RARRES2: variants seen among roughly 807,000 people sequenced by gnomAD.
The protein encoded by RARRES2 is retinoic acid receptor responder protein 2.
Under a neutral mutation model 17.9 loss-of-function variants are expected in RARRES2, and 12 were observed. That is an observed-to-expected ratio of 0.67 (90% CI 0.43 to 1.08). The LOEUF (loss-of-function observed/expected upper bound fraction) is 1.08, where lower values mean the gene tolerates loss of function less well. RARRES2 is among the 50% of genes least tolerant of loss of function. The probability of loss-of-function intolerance (pLI) is 0.00; values close to 1 mark genes in which losing one functional copy is unlikely to be tolerated. For missense variants in RARRES2, 220 were observed against 210.1 expected, an observed-to-expected ratio of 1.05 and a Z score of -0.29; for synonymous variants, 82 against 86.8, an observed-to-expected ratio of 0.94 and a Z score of 0.31.
chr7:150,338,655 G>C lies in RARRES2; in HGVS notation c.462C>G (p.Phe154Leu). 6.4e-7 allele frequency: 1 copy of C among 1,555,278 alleles called. No individual in the cohort carries two copies. Among genetic ancestry groups the C allele is most frequent in the South Asian group, 1.2e-5 (1 of 84,292 alleles). Residue 154 changes from phenylalanine to leucine, a missense_variant, in exon 5 of 6, where the codon TTC (phenylalanine) becomes TTG (leucine). Physicochemically the swap from Phe to Leu is conservative, Grantham distance 22 (BLOSUM62 0). Transcript: ENST00000223271. ...TGCGGGGCAGGGCCTTGGAGAAGGC[G>C]AACTGTCCAGGGAAGTAGAAGCTGT... ...DPHSFYFPGQ[F>L]AFSKALPRS
At chr7:150,339,399 G>A (rs1317579075) in intron 3 of RARRES2, among the ~76,000 whole-genome samples, 2 of 152,196 alleles carry the variant, frequency 1.3e-5, no homozygotes, top group Non-Finnish European at 2.9e-5. Context: ...GTGGATGGGT[G>A]TGTGATGTAT....
At position 150,338,980 on chromosome 7, in the gene RARRES2, T is replaced by C. The variant is rs747182020; in HGVS notation, c.375+6A>G. The C allele has an allele frequency of 6.3e-7, 1 of 1,596,412 alleles. No homozygotes were observed. Among genetic ancestry groups the C allele is most frequent in the Non-Finnish European group, 8.6e-7 (1 of 1,163,990 alleles). Reference sequence around the variant, plus strand: ...TCACCACCTGTGCACCCTTGCCCCTTCTTACCCGCAGAACTTGGGTCTCTA... The same window carrying C: ...TCACCACCTGTGCACCCTTGCCCCTCCTTACCCGCAGAACTTGGGTCTCTA... On this transcript the variant is annotated splice_donor_region_variant and intron_variant, in intron 4 of 5. Coordinates refer to ENST00000223271, the MANE Select transcript of RARRES2 (RefSeq NM_002889.4).
At position 150,340,511 on chromosome 7, in the gene RARRES2, G is replaced by C. The variant is rs771072052; in HGVS notation, c.99C>G (p.Ala33=). Residue 33 remains alanine (A), a synonymous_variant, in exon 2 of 6, where the codon GCC becomes GCG. Coordinates refer to ENST00000223271, the MANE Select transcript of RARRES2 (RefSeq NM_002889.4). Reference sequence around the variant, plus strand: ...GCGGGTGCTTGTGAAATTCCTCCAGGGCCACCTGCAGGCCCCGGCGCTGGG... The same window carrying C: ...GCGGGTGCTTGTGAAATTCCTCCAGCGCCACCTGCAGGCCCCGGCGCTGGG... ...TEAQRRGLQV[A]LEEFHKHPPV... The C allele has an allele frequency of 6.2e-7, 1 of 1,600,572 alleles. No individual in the cohort carries two copies. Among genetic ancestry groups the C allele is most frequent in the Non-Finnish European group, 8.5e-7 (1 of 1,173,800 alleles).
chr7:150,339,123 G>A (rs1339342805), intron 3 of RARRES2, 42 bp from the exon 4 acceptor site: 1 of 1,524,006 alleles, frequency 6.6e-7, no homozygotes, highest in Non-Finnish European at 9.1e-7. Context: ...GAGGAAAAGG[G>A]TGAGGGAGGC....
intron 4 of RARRES2, 90 bp downstream of exon 4, chr7:150,338,896 C>T: frequency 1.9e-6 from 3 of 1,541,428 alleles, no homozygotes; most frequent in Non-Finnish European, 2.7e-6. Context: ...CCTGCTTGGC[C>T]AAGCTTTAGC....
Position 150,338,410 on chromosome 7 carries a change from C to T in RARRES2, c.*40G>A, listed in dbSNP as rs1271402637. 4.6e-6 allele frequency: 7 copies of T among 1,512,816 alleles called. No homozygotes were observed. Among genetic ancestry groups the T allele is most frequent in the South Asian group, 2.4e-5 (2 of 83,014 alleles). 93.7% of individuals were successfully genotyped at this position (1,512,816 alleles called of 1,614,324 possible). A position where few individuals can be genotyped will look rare whatever the true frequency, so the allele number is the denominator to read the frequency against. ...GCTGGGGTCTTCCACTGGTTACCAC[C>T]CGCAGCGGTCCTGGAGGCACCACGC... On this transcript the variant is annotated 3_prime_UTR_variant, in exon 6 of 6. Transcript: ENST00000223271.
intron 1 of RARRES2, 177 bp from the exon 2 acceptor site, chr7:150,340,806 G>C: frequency 1.8e-6 from 1 of 570,226 alleles, no homozygotes. Flanking sequence ...GGGTCCGCCT[G>C]GCCCTCTCCG....
Position 150,341,577 on chromosome 7 carries a change from C to G in RARRES2, c.-21+1G>C, listed in dbSNP as rs1007910088. 6.5e-6 allele frequency: 1 copy of G among 152,758 alleles called. No individual in the cohort carries two copies. The highest frequency in any genetic ancestry group is 2.4e-5 in the African/African-American group (1 of 41,460). 9.5% of individuals were successfully genotyped at this position (152,758 alleles called of 1,614,324 possible). On this transcript the variant is annotated splice_donor_variant, in intron 1 of 5. Coordinates refer to ENST00000223271, the MANE Select transcript of RARRES2 (RefSeq NM_002889.4). LOFTEE classifies it low-confidence loss of function (5UTR_SPLICE). ...CGCCCCAGCCCGCTTCCCCTCCTCA[C>G]GTCCTTCCCTGCGCCTGGAGGTCTC...
chr7:150,340,935 TG>T (rs1238401322), intron 1 of RARRES2: 3 of 229,896 alleles, frequency 1.3e-5, no homozygotes, highest in African/African-American at 4.6e-5. Flanking sequence ...TTGCCCATTG[TG>T]TCTCTCCCTG....
In RARRES2 at chr7:150,340,198, G is replaced by A; in HGVS notation, c.181C>T (p.Pro61Ser). 1 of 1,614,128 alleles carries A rather than the reference G, an allele frequency of 6.2e-7. No individual in the cohort carries two copies. Among genetic ancestry groups the A allele is most frequent in the Non-Finnish European group, 8.5e-7 (1 of 1,180,014 alleles). Residue 61 changes from proline to serine, a missense_variant, in exon 3 of 6, where the codon CCA becomes TCA. By Grantham distance (74) the Pro-to-Ser change is moderately conservative (BLOSUM62 -1). Transcript: ENST00000223271. Reference protein sequence around the residue: ...SVESAVDTPFPAGIFVRLEFK... With the variant: ...SVESAVDTPFSAGIFVRLEFK... Reference sequence around the variant, plus strand: ...TCCAGCCTCACAAATATTCCAGCTGGGAAGGGCTGCGGACAGACAGGCAGG... The same window carrying A: ...TCCAGCCTCACAAATATTCCAGCTGAGAAGGGCTGCGGACAGACAGGCAGG...
At chr7:150,339,631 C>T (rs922213479) in intron 3 of RARRES2, among the ~76,000 whole-genome samples, 1 of 152,134 alleles carries the variant, frequency 6.6e-6, no homozygotes, top group African/African-American at 2.4e-5. Context: ...GAGCCCAGGC[C>T]GTGCTCACAG....
At chr7:150,339,884 C>CCCCAG (rs1352049993) in intron 3 of RARRES2, among the ~76,000 whole-genome samples, 1 of 152,150 alleles carries the variant, frequency 6.6e-6, no homozygotes. Context: ...GTCTGCCAGG[C>CCCCAG]CCCAGCTCCC....
Position 150,339,156 on chromosome 7 carries a change from C to G in RARRES2, c.280-75G>C, listed in dbSNP as rs1441412208. ...GGCCTGGGCATCATGAGGGTGGGAG[C>G]CAGGGCTGCCCATCATGGGACCAGA... On this transcript the variant is annotated intron_variant, in intron 3 of 5. Transcript: ENST00000223271. 4 of 1,366,424 alleles carry G rather than the reference C, an allele frequency of 2.9e-6. No homozygotes were observed. In the East Asian group the frequency reaches 9.2e-5, roughly 31 times the overall value. 84.6% of individuals were successfully genotyped at this position (1,366,424 alleles called of 1,614,324 possible). A position where few individuals can be genotyped will look rare whatever the true frequency, so the allele number is the denominator to read the frequency against.
Position 150,338,642 on chromosome 7 carries a change from C to T in RARRES2, c.475G>A (p.Ala159Thr), listed in dbSNP as rs938192402. Reference protein sequence around the residue: ...YFPGQFAFSKALPRS With the variant: ...YFPGQFAFSKTLPRS Reference sequence around the variant, plus strand: ...GTGCTGGCTTAGCTGCGGGGCAGGGCCTTGGAGAAGGCGAACTGTCCAGGG... The same window carrying T: ...GTGCTGGCTTAGCTGCGGGGCAGGGTCTTGGAGAAGGCGAACTGTCCAGGG... The change falls in exon 5 of 6, where the codon GCC becomes ACC. Residue 159 changes from alanine (A) to threonine (T), a missense_variant. Physicochemically the swap from Ala to Thr is moderately conservative, Grantham distance 58. Transcript: ENST00000223271. 17 of 1,554,936 alleles carry T rather than the reference C, an allele frequency of 1.1e-5. No homozygotes were observed. The highest frequency in any genetic ancestry group is 1.5e-5 in the Non-Finnish European group (17 of 1,148,686).
At position 150,339,094 on chromosome 7, in the gene RARRES2, G is replaced by A. The variant is rs369898714; in HGVS notation, c.280-13C>T. The A allele has an allele frequency of 1.5e-5, 24 of 1,573,872 alleles. No homozygotes were observed. Among genetic ancestry groups the A allele is most frequent in the East Asian group, 2.2e-5 (1 of 44,670 alleles). On this transcript the variant is annotated splice_polypyrimidine_tract_variant and intron_variant, in intron 3 of 5. Coordinates refer to ENST00000223271, the MANE Select transcript of RARRES2 (RefSeq NM_002889.4). ...ATTTCCGTTTCCTCTGTGGGGGAGC[G>A]GGGAGCATGGGGTGAGCAGAGGAAA...
In RARRES2 at chr7:150,339,014, T is replaced by C; in HGVS notation, c.347A>G (p.His116Arg). ...CAGAACTTGGGTCTCTATGGGGCAG[T>C]GGACCAACCGGCCCAGAACTTTGTC... ...SEDKVLGRLV[H>R]CPIETQVLRE... is the part of the protein sequence containing the mutation. Residue 116 changes from histidine to arginine, a missense_variant, in exon 4 of 6, where the codon CAC (histidine) becomes CGC (arginine). Transcript: ENST00000223271. The C allele has an allele frequency of 6.2e-7, 1 of 1,612,746 alleles. No individual in the cohort carries two copies. Among genetic ancestry groups the C allele is most frequent in the Non-Finnish European group, 8.5e-7 (1 of 1,178,782 alleles).
At chr7:150,339,340 T>C (rs1798421158) in intron 3 of RARRES2, among the ~76,000 whole-genome samples, 1 of 152,140 alleles carries the variant, frequency 6.6e-6, no homozygotes, top group Admixed American at 6.5e-5. Context: ...ATGGGTTGTG[T>C]GGCACATGCA....
At position 150,340,437 on chromosome 7, in the gene RARRES2, G is replaced by A. The variant is rs199705366; in HGVS notation, c.173C>T (p.Thr58Met). 46 of 1,597,388 alleles carry A rather than the reference G, an allele frequency of 2.9e-5. No homozygotes were observed. In the Middle Eastern group the frequency reaches 9.3e-4, roughly 32 times the overall value. The change falls in exon 2 of 6, where the codon ACG becomes ATG. Residue 58 changes from threonine (T) to methionine (M), a missense_variant and splice_region_variant. Physicochemically the swap from Thr to Met is moderately conservative, Grantham distance 81. Transcript: ENST00000223271. ...TCCTGCCCGGGCCATGCTACTCACC[G>A]TGTCCACGGCGCTCTCCACACTGGT... ...QETSVESAVD[T>M]PFPAGIFVRL...
intron 1 of RARRES2, 194 bp from the exon 2 acceptor site, chr7:150,340,823 C>G: frequency 1.9e-6 from 1 of 523,830 alleles, no homozygotes; most frequent in Non-Finnish European, 3.3e-6. Flanking sequence ...TCCGTTCCCT[C>G]CCACCCTGCC....
Sources: gnomAD v4.1 joint callset for allele counts (sites outside exome capture counted in the v4.1 genomes callset) on GRCh38, gnomAD v4.1.1 for gene constraint, MANE v1.5 for transcripts, NCBI Gene and HGNC (gene_info 2026-07-23, HGNC 2026-07-21) for gene names.